The following SVOPL variants were observed in gnomAD, a reference collection of about 807,000 sequenced individuals.
The protein encoded by SVOPL is SVOP like.
SVOPL carries 60 observed loss-of-function variants against 61.0 expected under a neutral mutation model. That is an observed-to-expected ratio of 0.98 (90% confidence interval 0.80 to 1.22). The LOEUF (loss-of-function observed/expected upper bound fraction) is 1.22. SVOPL is among the 50% of genes most tolerant of loss of function. The pLI, the probability that SVOPL is intolerant of heterozygous loss-of-function variation, is 0.00. For missense variants in SVOPL, 662 were observed against 643.9 expected (o/e 1.03, Z -0.30); for synonymous variants, 279 against 250.0 (o/e 1.12, Z -1.09).
chr7:138,678,425 A>G lies in SVOPL; in HGVS notation c.174+9T>C, dbSNP rs1486644932. The stretch of plus-strand genomic sequence containing the variant: ...ACACTTTTCGTCAACATCTCGAAGG[A>G]GCACTCACCCCAGTACTGCCCATGA... On this transcript the variant is annotated intron_variant, in intron 3 of 15. Transcript: ENST00000674285. The G allele has an allele frequency of 5.8e-6, 9 of 1,549,026 alleles. No individual in the cohort carries two copies. The highest frequency in any genetic ancestry group is 7.9e-6 in the Non-Finnish European group (9 of 1,146,356).
chr7:138,675,819 A>C (rs1001643391), intron 3 of SVOPL, among the ~76,000 whole-genome samples: 3 of 151,734 alleles, frequency 2.0e-5, no homozygotes, highest in Non-Finnish European at 2.9e-5. Flanking sequence ...ATCATTATGC[A>C]TCTGGGTATG....
intron 3 of SVOPL, 117 bp downstream of exon 3, chr7:138,678,317 G>C: frequency 9.3e-7 from 1 of 1,080,138 alleles, no homozygotes; most frequent in Non-Finnish European, 1.3e-6. Flanking sequence ...CACGTTCTCA[G>C]GACCTCCTGA....
At chr7:138,668,614 T>A (rs1802334435) in intron 4 of SVOPL, among the ~76,000 whole-genome samples, 1 of 152,088 alleles carries the variant, frequency 6.6e-6, no homozygotes, top group Non-Finnish European at 1.5e-5. Flanking sequence ...AACTGGGCAA[T>A]ACCATGCATT....
Position 138,621,822 on chromosome 7 carries a change from G to GTATCTATC in SVOPL, c.1264-688_1264-687insGATAGATA, listed in dbSNP as rs113136641. ...TCTATGTATCTATCTATGTATCTAT[G>GTATCTATC]TATCTATGTATCTATCTATCTATGT... is the stretch of plus-strand genomic sequence containing the variant. On this transcript the variant is annotated intron_variant, in intron 13 of 15. Transcript: ENST00000674285. 3.0e-4 allele frequency among the ~76,000 whole-genome samples: 4 copies of GTATCTATC among 13,418 alleles called. 1 individual carries two copies. The highest frequency in any genetic ancestry group is 4.2e-4 in the Non-Finnish European group (2 of 4,716). The allele number at this position is 13,418 out of a possible 152,430, so 8.8% of individuals were successfully genotyped here.
chr7:138,626,046 C>A lies in SVOPL; in HGVS notation c.1186G>T (p.Gly396Cys). The change falls in exon 13 of 16, where the codon GGC becomes TGC. Residue 396 changes from glycine (G) to cysteine (C), a missense_variant. Gly to Cys is a radical substitution (Grantham distance 159, BLOSUM62 -3). Transcript: ENST00000674285. ...LLLNICTSSA[G>C]LIGFLFMLRA... ...AGCATGAAGAGGAAGCCAATCAGGC[C>A]GGCACTAGAAAACAGGAAGCGGAGA... is the stretch of plus-strand genomic sequence containing the variant. 2 of 1,614,010 alleles carry A rather than the reference C, an allele frequency of 1.2e-6. No individual in the cohort carries two copies. The highest frequency in any genetic ancestry group is 1.7e-6 in the Non-Finnish European group (2 of 1,180,016).
rs558547030 is a variant in SVOPL, at chr7:138,679,134, T to C, written c.-34-55A>G. 126 of 1,255,014 alleles carry C rather than the reference T, an allele frequency of 1.0e-4. 1 individual carries two copies. The highest frequency in any genetic ancestry group is 1.3e-4 in the Non-Finnish European group (120 of 889,638). The allele number at this position is 1,255,014 out of a possible 1,614,324, so 77.7% of individuals were successfully genotyped here. On this transcript the variant is annotated intron_variant, in intron 1 of 15. Transcript: ENST00000674285. ...AGAAATATAATGGTTATTGGATAGT[T>C]AGTATATGCCAGGCACACTACACAC...
chr7:138,622,228 A>ATCTGTCTATGTATCTATCTG (rs1799683150), intron 13 of SVOPL, among the ~76,000 whole-genome samples: 1 of 129,332 alleles, frequency 7.7e-6, no homozygotes. Flanking sequence ...CTATGTATCT[A>ATCTGTCTATGTATCTATCTG]TCTATGTATC....
chr7:138,601,842 A>C lies in SVOPL; in HGVS notation c.1354-5312T>G, dbSNP rs187123739. Among the ~76,000 whole-genome samples, 453 of 151,910 alleles carry C rather than the reference A, an allele frequency of 3.0e-3. 2 individuals are homozygous for C. Among genetic ancestry groups the C allele is most frequent in the African/African-American group, 9.7e-3 (403 of 41,368 alleles). On this transcript the variant is annotated intron_variant, in intron 14 of 15. Coordinates refer to ENST00000674285, the MANE Select transcript of SVOPL (RefSeq NM_001139456.2). ...CTTACTTCCCACGTGTCTCTGCCCTATTGTAGAAGCTCTCTCTAACCACCT... is the reference window on the plus strand; with the variant it reads ...CTTACTTCCCACGTGTCTCTGCCCTCTTGTAGAAGCTCTCTCTAACCACCT...
chr7:138,616,250 A>C (rs1799293408), intron 14 of SVOPL, among the ~76,000 whole-genome samples: 1 of 152,236 alleles, frequency 6.6e-6, no homozygotes, highest in Admixed American at 6.5e-5. Flanking sequence ...TGATCTCTTG[A>C]AGTTTCCCAG....
chr7:138,596,615 C>T (rs1190340844), intron 14 of SVOPL, 85 bp from the exon 15 acceptor site: 1 of 1,506,000 alleles, frequency 6.6e-7, no homozygotes, highest in African/African-American at 1.4e-5. Flanking sequence ...AATACAGATT[C>T]ACTTCACTAA....
At chr7:138,597,156 T>C (rs1798313927) in intron 14 of SVOPL, 4 of 1,288,056 alleles carry the variant, frequency 3.1e-6, no homozygotes, top group African/African-American at 1.5e-5. Flanking sequence ...CTCCATCTCA[T>C]ACTTTAGTTT....
rs566252042 is a variant in SVOPL, at chr7:138,631,552, G to A, written c.790-1430C>T. ...TCTCACTGCACATCTCCTGGGGCCT[G>A]CAGTGTCCTCTCCCCTCCCCAAAGC... is the stretch of plus-strand genomic sequence containing the variant. On this transcript the variant is annotated intron_variant, in intron 9 of 15. Coordinates refer to ENST00000674285, the MANE Select transcript of SVOPL (RefSeq NM_001139456.2). Among the ~76,000 whole-genome samples the A allele has an allele frequency of 5.3e-5, 8 of 151,972 alleles. No individual in the cohort carries two copies. In the South Asian group the frequency reaches 1.7e-3, roughly 32 times the overall value.
chr7:138,657,853 G>C (rs1312914584), intron 6 of SVOPL, among the ~76,000 whole-genome samples: 5 of 152,252 alleles, frequency 3.3e-5, no homozygotes, highest in African/African-American at 1.2e-4. Context: ...GAAGAGAAGA[G>C]CCCAAGGGGT....
chr7:138,675,833 C>T (rs1354633233), intron 3 of SVOPL, among the ~76,000 whole-genome samples: 1 of 151,818 alleles, frequency 6.6e-6, no homozygotes, highest in East Asian at 1.9e-4. Flanking sequence ...GGGTATGAAG[C>T]TTTGTTTTGT....
chr7:138,622,210 C>CTATCTATG (rs1799677973), intron 13 of SVOPL, among the ~76,000 whole-genome samples: 1 of 97,738 alleles, frequency 1.0e-5, no homozygotes. Flanking sequence ...ATGTATCTAT[C>CTATCTATG]TATCTATCTA....
chr7:138,631,960 TCACA>T (rs756332176), intron 9 of SVOPL, among the ~76,000 whole-genome samples: 1 of 146,956 alleles, frequency 6.8e-6, no homozygotes, highest in African/African-American at 2.5e-5. Context: ...TGCTCTGATA[TCACA>T]CACACACACA....
chr7:138,650,421 A>C (rs1483934677), intron 7 of SVOPL, among the ~76,000 whole-genome samples: 3 of 151,972 alleles, frequency 2.0e-5, no homozygotes, highest in Non-Finnish European at 4.4e-5. Context: ...ATTAGTTCTG[A>C]ATATCTTGTA....
chr7:138,659,932 A>G lies in SVOPL; in HGVS notation c.402T>C (p.Ala134=), dbSNP rs1190320262. 6.4e-7 allele frequency: 1 copy of G among 1,551,480 alleles called. No homozygotes were observed. Among genetic ancestry groups the G allele is most frequent in the East Asian group, 2.4e-5 (1 of 40,910 alleles). The change falls in exon 6 of 16, where the codon GCT becomes GCC. Residue 134 remains alanine (A), a synonymous_variant. Transcript: ENST00000674285. The part of the protein sequence containing the change: ...GAYFSLLTSF[A]PSYIWFVFLR... Reference sequence around the variant, plus strand: ...GGAAGACAAACCAGATGTACGAAGGAGCAAACGAGGTCAGCAAGGAGAAAT... The same window carrying G: ...GGAAGACAAACCAGATGTACGAAGGGGCAAACGAGGTCAGCAAGGAGAAAT...
At chr7:138,599,937 A>C (rs1205318131) in intron 14 of SVOPL, among the ~76,000 whole-genome samples, 1 of 152,062 alleles carries the variant, frequency 6.6e-6, no homozygotes, top group Non-Finnish European at 1.5e-5. Context: ...TACATGTAAC[A>C]CTGAAAGCCT....
Sources: allele counts gnomAD v4.1 joint callset (sites outside exome capture counted in the v4.1 genomes callset), GRCh38; gene constraint gnomAD v4.1.1; transcripts MANE v1.5; gene names NCBI Gene and HGNC (gene_info 2026-07-23, HGNC 2026-07-21).